ZBTB44: variants seen among roughly 807,000 people sequenced by gnomAD.
ZBTB44 encodes zinc finger and BTB domain containing 44, also known as zinc finger and BTB domain-containing protein 44.
In ZBTB44, 15 loss-of-function variants were observed where a neutral mutation model predicts 54.0. The ratio of observed to expected loss-of-function variants is 0.28; its 90% CI spans 0.19 to 0.43. The LOEUF (loss-of-function observed/expected upper bound fraction) is 0.43, where lower values mean the gene tolerates loss of function less well. Ranked by LOEUF, ZBTB44 falls within the 20% of genes least tolerant of loss-of-function variation. ZBTB44 has a pLI of 1.00. For synonymous variants in ZBTB44, 230 were observed against 250.1 expected, an observed-to-expected ratio of 0.92 and a Z score of 0.76; for missense variants, 487 against 707.1, an observed-to-expected ratio of 0.69 and a Z score of 3.53.
At chr11:130,296,505 G>C in intron 1 of ZBTB44, 2 of 927,876 alleles carry the variant, frequency 2.2e-6, no homozygotes, top group Non-Finnish European at 3.4e-6. Context: ...GTGGTGGCAA[G>C]AGGACTGGAC....
intron 1 of ZBTB44, among the ~76,000 whole-genome samples, chr11:130,264,776 T>A (rs924571864): frequency 1.3e-5 from 2 of 152,182 alleles, no homozygotes; most frequent in Non-Finnish European, 2.9e-5. Context: ...TACAGAGACA[T>A]ACCTCATCTT....
intron 1 of ZBTB44, among the ~76,000 whole-genome samples, chr11:130,289,008 A>C (rs1322294031): frequency 2.0e-5 from 3 of 152,232 alleles, no homozygotes; most frequent in Non-Finnish European, 4.4e-5. Flanking sequence ...AAACCACAGA[A>C]AGACAGTTCC....
intron 1 of ZBTB44, among the ~76,000 whole-genome samples, chr11:130,272,965 G>C (rs1279896585): frequency 6.6e-6 from 1 of 152,140 alleles, no homozygotes; most frequent in Admixed American, 6.6e-5. Flanking sequence ...TTTGCAGTAA[G>C]TTTTGAAGTC....
intron 1 of ZBTB44, among the ~76,000 whole-genome samples, chr11:130,262,191 G>GT (rs1419358095): frequency 6.6e-6 from 1 of 152,180 alleles, no homozygotes; most frequent in Non-Finnish European, 1.5e-5. Context: ...CCAGGCTGGA[G>GT]TGCAGCGGGG....
chr11:130,258,856 A>G (rs547593495), intron 2 of ZBTB44, among the ~76,000 whole-genome samples: 1 of 152,330 alleles, frequency 6.6e-6, no homozygotes, highest in Admixed American at 6.5e-5. Flanking sequence ...CACTGATTAT[A>G]TTGCAGATTC....
Position 130,228,582 on chromosome 11 carries a change from T to C in ZBTB44, c.*3182A>G, listed in dbSNP as rs980846066. On this transcript the variant is annotated 3_prime_UTR_variant, in exon 8 of 8. Transcript: ENST00000357899. ...CCATCTTGAACACAGCTTCCACTAA[T>C]ACCAAGGGAAACGTGCATTAAGAGG... 2 of 152,178 alleles carry C rather than the reference T, an allele frequency of 1.3e-5. No homozygotes were observed. The highest frequency in any genetic ancestry group is 3.8e-4 in the East Asian group (2 of 5,198). 9.4% of individuals were successfully genotyped at this position (152,178 alleles called of 1,614,324 possible).
intron 2 of ZBTB44, among the ~76,000 whole-genome samples, chr11:130,256,007 A>G (rs1357765488): frequency 6.6e-6 from 1 of 152,046 alleles, no homozygotes; most frequent in Non-Finnish European, 1.5e-5. Flanking sequence ...ACAGATTCAC[A>G]GCTGAATTCT....
chr11:130,283,705 C>T (rs1046006764), intron 1 of ZBTB44, among the ~76,000 whole-genome samples: 1 of 151,892 alleles, frequency 6.6e-6, no homozygotes, highest in Non-Finnish European at 1.5e-5. Flanking sequence ...GTGGCTCATG[C>T]CTGTAATCCC....
At chr11:130,242,510 T>A (rs539128581) in intron 2 of ZBTB44, among the ~76,000 whole-genome samples, 8 of 151,106 alleles carry the variant, frequency 5.3e-5, no homozygotes, top group Non-Finnish European at 8.9e-5. Flanking sequence ...AATGATTTGC[T>A]GATGATCAAT....
chr11:130,284,651 G>A (rs1940800596), intron 1 of ZBTB44, among the ~76,000 whole-genome samples: 1 of 152,044 alleles, frequency 6.6e-6, no homozygotes, highest in Admixed American at 6.6e-5. Context: ...GGTGGATCAC[G>A]AGGTCAGGAG....
At chr11:130,280,285 G>C (rs981567078) in intron 1 of ZBTB44, among the ~76,000 whole-genome samples, 3 of 152,188 alleles carry the variant, frequency 2.0e-5, no homozygotes, top group Non-Finnish European at 2.9e-5. Flanking sequence ...AATGTAGTCT[G>C]TTTATAAGTA....
In ZBTB44 at chr11:130,239,809, G is replaced by A; in HGVS notation, c.1103+3C>T. ...GGTAACGAAATGCTATGTTAGTACT[G>A]ACCGATCATCATCATCCGGAGGAGC... On this transcript the variant is annotated splice_donor_region_variant and intron_variant, in intron 3 of 7. Transcript: ENST00000357899. 6.2e-7 allele frequency: 1 copy of A among 1,611,002 alleles called. No individual in the cohort carries two copies. Among genetic ancestry groups the A allele is most frequent in the Admixed American group, 1.7e-5 (1 of 59,904 alleles).
intron 1 of ZBTB44, among the ~76,000 whole-genome samples, chr11:130,309,483 C>G (rs371735676): frequency 6.6e-6 from 1 of 152,294 alleles, no homozygotes; most frequent in Non-Finnish European, 1.5e-5. Flanking sequence ...GAATTTATAT[C>G]AAATTTGGTC....
At chr11:130,269,331 A>G (rs1446941501) in intron 1 of ZBTB44, among the ~76,000 whole-genome samples, 1 of 151,676 alleles carries the variant, frequency 6.6e-6, no homozygotes, top group Non-Finnish European at 1.5e-5. Flanking sequence ...TGTGTAGATG[A>G]ATATGTATAT....
At chr11:130,291,936 C>G (rs1488014131) in intron 1 of ZBTB44, among the ~76,000 whole-genome samples, 1 of 152,172 alleles carries the variant, frequency 6.6e-6, no homozygotes. Flanking sequence ...GCAGTCTCAC[C>G]TTCCTGTCCT....
chr11:130,238,544 T>C lies in ZBTB44; in HGVS notation c.1167A>G (p.Arg389=), dbSNP rs772050362. The C allele has an allele frequency of 3.1e-6, 5 of 1,613,030 alleles. No individual in the cohort carries two copies. The highest frequency in any genetic ancestry group is 8.5e-7 in the Non-Finnish European group (1 of 1,179,584). Reference sequence around the variant, plus strand: ...GTCTGTCGGGACCATTTGGACTTGGTCGCTCTGTACTGCTGGTGGAAGGAG... The same window carrying C: ...GTCTGTCGGGACCATTTGGACTTGGCCGCTCTGTACTGCTGGTGGAAGGAG... ...YIAPSTSSTE[R]PSPNGPDRPF... The change falls in exon 4 of 8, where the codon CGA becomes CGG. Residue 389 remains arginine (R), a synonymous_variant. Transcript: ENST00000357899.
intron 1 of ZBTB44, chr11:130,285,508 T>C (rs1180512834): frequency 5.3e-6 from 1 of 190,436 alleles, no homozygotes; most frequent in Non-Finnish European, 1.1e-5. Flanking sequence ...GCCAGGCTGG[T>C]CTCGAACTCC....
chr11:130,276,232 C>CAAAAAAA (rs757286125), intron 1 of ZBTB44, among the ~76,000 whole-genome samples: 35 of 31,752 alleles, frequency 1.1e-3, no homozygotes, highest in African/African-American at 3.0e-3. Context: ...AACTCTGTCT[C>CAAAAAAA]AAAAAAAAAA....
intron 1 of ZBTB44, among the ~76,000 whole-genome samples, chr11:130,272,116 C>T (rs1249027500): frequency 6.6e-6 from 1 of 151,944 alleles, no homozygotes; most frequent in Non-Finnish European, 1.5e-5. Context: ...CCTGTAATCC[C>T]AGCTGCTCGG....
Sources: allele counts gnomAD v4.1 joint callset (sites outside exome capture counted in the v4.1 genomes callset), GRCh38; gene constraint gnomAD v4.1.1; transcripts MANE v1.5; gene names NCBI Gene and HGNC (gene_info 2026-07-23, HGNC 2026-07-21).